CEP112: variants seen among roughly 807,000 people sequenced by gnomAD.
The protein encoded by CEP112 is centrosomal protein of 112 kDa.
CEP112 carries 127 observed loss-of-function variants against 153.0 expected under a neutral mutation model. The observed-to-expected ratio is 0.83, with a 90% CI of 0.72 to 0.96. The LOEUF (loss-of-function observed/expected upper bound fraction) is 0.96. Ranked by LOEUF, CEP112 falls within the 40% of genes least tolerant of loss-of-function variation. The pLI, the probability that CEP112 is intolerant of heterozygous loss-of-function variation, is 0.00. For missense variants in CEP112, 1,089 were observed against 1,101.2 expected, an observed-to-expected ratio of 0.99 and a Z score of 0.16; for synonymous variants, 358 against 374.4, an observed-to-expected ratio of 0.96 and a Z score of 0.51.
Position 65,856,536 on chromosome 17 carries a change from T to C in CEP112, c.2164-4502A>G, listed in dbSNP as rs563585683. Among the ~76,000 whole-genome samples the C allele has an allele frequency of 1.1e-4, 17 of 152,316 alleles. No individual in the cohort carries two copies. The South Asian group carries it at 3.3e-3, about 30-fold the overall frequency. ...TTCTATCCCCTAATTTTCACTATGG[T>C]TAGTACAAAGTTAACATCCAAAAGC... On this transcript the variant is annotated intron_variant, in intron 20 of 26. Transcript: ENST00000535342.
intron 18 of CEP112, among the ~76,000 whole-genome samples, chr17:65,952,669 A>T (rs2144653189): frequency 6.6e-6 from 1 of 152,284 alleles, no homozygotes; most frequent in African/African-American, 2.4e-5. Context: ...TGTGTATTTA[A>T]CATTTTAAGA....
intron 23 of CEP112, among the ~76,000 whole-genome samples, chr17:65,740,315 G>A (rs2051057977): frequency 6.6e-6 from 1 of 152,158 alleles, no homozygotes; most frequent in South Asian, 2.1e-4. Context: ...TTGACTGAAA[G>A]GATGAAAGCT....
intron 23 of CEP112, among the ~76,000 whole-genome samples, chr17:65,723,035 A>G (rs926992477): frequency 6.6e-6 from 1 of 152,240 alleles, no homozygotes; most frequent in Non-Finnish European, 1.5e-5. Flanking sequence ...GCCTATCTAC[A>G]CAGTATCTAA....
intron 21 of CEP112, among the ~76,000 whole-genome samples, chr17:65,766,083 T>C (rs1172685935): frequency 1.4e-5 from 2 of 144,836 alleles, no homozygotes; most frequent in Non-Finnish European, 3.0e-5. Flanking sequence ...TACAAGAGAA[T>C]ATAGAGAGAC....
chr17:66,162,652 G>A (rs964193335), intron 4 of CEP112, among the ~76,000 whole-genome samples: 1 of 152,078 alleles, frequency 6.6e-6, no homozygotes, highest in Non-Finnish European at 1.5e-5. Context: ...AGCAAAAGAA[G>A]ACAGAAACAA....
chr17:65,833,664 G>A (rs1055873545), intron 21 of CEP112, among the ~76,000 whole-genome samples: 5 of 151,974 alleles, frequency 3.3e-5, no homozygotes, highest in Admixed American at 3.3e-4. Context: ...GAGGTAAAAA[G>A]TCTCTACAAT....
At chr17:65,938,663 T>C (rs2061424829) in intron 18 of CEP112, among the ~76,000 whole-genome samples, 2 of 152,288 alleles carry the variant, frequency 1.3e-5, no homozygotes, top group South Asian at 4.2e-4. Context: ...ATTGTCTCTG[T>C]ATGCTGATGA....
rs987040028 is a variant in CEP112, at chr17:65,971,278, C to A, written c.1737-9680G>T. Among the ~76,000 whole-genome samples, 7 of 152,172 alleles carry A rather than the reference C, an allele frequency of 4.6e-5. No individual in the cohort carries two copies. The East Asian group carries it at 1.3e-3, about 29-fold the overall frequency. ...ATGCGTACTGCACACATGTACAGCA[C>A]ATGCACATAACAAATATGCACGTTA... On this transcript the variant is annotated intron_variant, in intron 17 of 26. Coordinates refer to ENST00000535342, the MANE Select transcript of CEP112 (RefSeq NM_001199165.4).
chr17:65,689,434 AC>A (rs1248680051), intron 23 of CEP112, among the ~76,000 whole-genome samples: 1 of 134,936 alleles, frequency 7.4e-6, no homozygotes, highest in Non-Finnish European at 1.7e-5. Context: ...TATAAAATAG[AC>A]AAATTGGCAG....
At chr17:66,041,022 A>T (rs1001432793) in intron 12 of CEP112, among the ~76,000 whole-genome samples, 1 of 152,100 alleles carries the variant, frequency 6.6e-6, no homozygotes, top group East Asian at 1.9e-4. Context: ...GTGAAGGTTC[A>T]AGATGCATTT....
intron 21 of CEP112, among the ~76,000 whole-genome samples, chr17:65,810,752 T>C (rs1244262701): frequency 6.6e-6 from 1 of 151,982 alleles, no homozygotes; most frequent in Non-Finnish European, 1.5e-5. Flanking sequence ...AATATTGATA[T>C]AAGAGAAATG....
At chr17:65,644,089 G>A (rs2143418063) in intron 24 of CEP112, among the ~76,000 whole-genome samples, 1 of 152,308 alleles carries the variant, frequency 6.6e-6, no homozygotes, top group Admixed American at 6.5e-5. Context: ...TTGAGCCACA[G>A]CACCATGAAC....
intron 20 of CEP112, among the ~76,000 whole-genome samples, chr17:65,882,741 G>T (rs1367351679): frequency 1.3e-5 from 2 of 152,156 alleles, no homozygotes; most frequent in African/African-American, 4.8e-5. Flanking sequence ...CTTTGTCACT[G>T]TATGTTAAAA....
rs1174489663 is a variant in CEP112 at position 65,841,901 on chromosome 17, C to T, written c.2394+9903G>A. The stretch of plus-strand genomic sequence containing the variant: ...CAGACCTAAACTGTGTGTGTGTGTA[C>T]ACACATACACACACACACACACACG... On this transcript the variant is annotated intron_variant, in intron 21 of 26. Transcript: ENST00000535342. Among the ~76,000 whole-genome samples the T allele has an allele frequency of 1.5e-5, 2 of 129,108 alleles. 1 individual carries two copies. The allele number at this position is 129,108 out of a possible 152,430, so 84.7% of individuals were successfully genotyped here.
At chr17:65,643,648 ACAGGTTGCAGTCAGC>A (rs2045273537) in intron 24 of CEP112, among the ~76,000 whole-genome samples, 1 of 152,158 alleles carries the variant, frequency 6.6e-6, no homozygotes, top group Admixed American at 6.5e-5. Flanking sequence ...AGCGTTAGCA[ACAGGTTGCAGTCAGC>A]CAGGGTGAGC....
At chr17:65,954,335 C>T (rs2061937212) in intron 18 of CEP112, among the ~76,000 whole-genome samples, 1 of 152,136 alleles carries the variant, frequency 6.6e-6, no homozygotes, top group Non-Finnish European at 1.5e-5. Flanking sequence ...ATCAAGGGAG[C>T]ACCCCATAGG....
intron 23 of CEP112, among the ~76,000 whole-genome samples, chr17:65,696,054 T>A (rs1567876472): frequency 1.3e-5 from 2 of 152,312 alleles, no homozygotes; most frequent in South Asian, 4.1e-4. Flanking sequence ...CCCTTCTGAG[T>A]CAGTGGTCCT....
intron 24 of CEP112, among the ~76,000 whole-genome samples, chr17:65,674,252 GA>G (rs1420095442): frequency 1.3e-5 from 2 of 152,192 alleles, no homozygotes; most frequent in African/African-American, 2.4e-5. Context: ...GCAATTCATG[GA>G]AATGCAAATA....
chr17:65,652,737 T>C (rs1243005546), intron 24 of CEP112, among the ~76,000 whole-genome samples: 1 of 152,250 alleles, frequency 6.6e-6, no homozygotes, highest in African/African-American at 2.4e-5. Context: ...ATTTATATTT[T>C]ATAATTCAAA....
Sources: gnomAD v4.1 joint callset for allele counts (sites outside exome capture counted in the v4.1 genomes callset) on GRCh38, gnomAD v4.1.1 for gene constraint, MANE v1.5 for transcripts, NCBI Gene and HGNC (gene_info 2026-07-23, HGNC 2026-07-21) for gene names.